Variants in GPC5 observed in about 807,000 individuals in gnomAD.
GPC5 encodes glypican-5.
In GPC5, 47 loss-of-function variants were observed where a neutral mutation model predicts 53.9. The observed-to-expected ratio is 0.87, with a 90% CI of 0.69 to 1.11. The LOEUF is 1.11. Ranked by LOEUF, GPC5 falls within the 50% of genes most tolerant of loss-of-function variation. GPC5 has a pLI of 0.00. For synonymous variants in GPC5, 286 were observed against 263.3 expected (o/e 1.09, Z -0.84); for missense variants, 748 against 713.1 (o/e 1.05, Z -0.56).
rs1305172300 is a variant in GPC5 at position 92,577,688 on chromosome 13, ATTTAT to A, written c.1562-288591_1562-288587del. Among the ~76,000 whole-genome samples, 3 of 152,290 alleles carry A rather than the reference ATTTAT, an allele frequency of 2.0e-5. No individual in the cohort carries two copies. The East Asian group carries it at 5.8e-4, about 29-fold the overall frequency. ...TCCTGAGTTTATAAGTTTTGCTTTCATTTATTTAATTAATATCCTGCAAGTCACAA... is the reference window on the plus strand; with the variant it reads ...TCCTGAGTTTATAAGTTTTGCTTTCATTAATTAATATCCTGCAAGTCACAA... On this transcript the variant is annotated intron_variant, in intron 7 of 7. Coordinates refer to ENST00000377067, the MANE Select transcript of GPC5 (RefSeq NM_004466.6).
At chr13:92,186,109 T>A (rs2042181961) in intron 7 of GPC5, among the ~76,000 whole-genome samples, 1 of 152,114 alleles carries the variant, frequency 6.6e-6, no homozygotes, top group African/African-American at 2.4e-5. Flanking sequence ...AGACCACAGA[T>A]CCTAACAGAG....
chr13:91,545,426 T>G (rs1299215760), intron 2 of GPC5, among the ~76,000 whole-genome samples: 1 of 152,216 alleles, frequency 6.6e-6, no homozygotes, highest in Non-Finnish European at 1.5e-5. Flanking sequence ...AGTTCATATC[T>G]TAAACACATC....
intron 6 of GPC5, among the ~76,000 whole-genome samples, chr13:91,954,119 C>A (rs1177195771): frequency 2.0e-5 from 3 of 152,092 alleles, no homozygotes; most frequent in African/African-American, 7.2e-5. Context: ...TAAAAAGATA[C>A]AATTCCATAA....
rs570399882 is a variant in GPC5, at chr13:92,161,206, A to C, written c.1561+16217A>C. Reference sequence around the variant, plus strand: ...TCGGATTAATCTCTGTGCTTGTTTAAACACAGAGTATAGAGTTCTAGCCAG... The same window carrying C: ...TCGGATTAATCTCTGTGCTTGTTTACACACAGAGTATAGAGTTCTAGCCAG... On this transcript the variant is annotated intron_variant, in intron 7 of 7. Transcript: ENST00000377067. Among the ~76,000 whole-genome samples the C allele has an allele frequency of 4.6e-5, 7 of 152,268 alleles. No homozygotes were observed. The South Asian group carries it at 1.5e-3, about 32-fold the overall frequency.
intron 6 of GPC5, among the ~76,000 whole-genome samples, chr13:91,991,374 A>G (rs1325912122): frequency 6.6e-6 from 1 of 152,224 alleles, no homozygotes; most frequent in Non-Finnish European, 1.5e-5. Context: ...TGTATATTTC[A>G]TAATGCTCAG....
At chr13:92,414,995 G>C (rs765157262) in intron 7 of GPC5, among the ~76,000 whole-genome samples, 1 of 152,112 alleles carries the variant, frequency 6.6e-6, no homozygotes, top group Non-Finnish European at 1.5e-5. Flanking sequence ...TCCCTAAATG[G>C]GGCTAGGATG....
chr13:92,242,617 A>G (rs1225585903), intron 7 of GPC5, among the ~76,000 whole-genome samples: 3 of 152,152 alleles, frequency 2.0e-5, no homozygotes, highest in Non-Finnish European at 4.4e-5. Context: ...AAATAAAGAA[A>G]GAGTCATGAC....
At chr13:91,870,404 G>A (rs2039131811) in intron 5 of GPC5, among the ~76,000 whole-genome samples, 1 of 152,130 alleles carries the variant, frequency 6.6e-6, no homozygotes, top group African/African-American at 2.4e-5. Flanking sequence ...ATATTAGAAT[G>A]TAAGGAAACT....
chr13:91,932,247 G>A (rs1275651522), intron 6 of GPC5, among the ~76,000 whole-genome samples: 4 of 151,968 alleles, frequency 2.6e-5, no homozygotes, highest in Non-Finnish European at 4.4e-5. Context: ...GGGTCTCTCC[G>A]TGACTTCTGA....
intron 3 of GPC5, among the ~76,000 whole-genome samples, chr13:91,708,456 G>GA (rs1191425797): frequency 6.6e-6 from 1 of 152,114 alleles, no homozygotes; most frequent in Non-Finnish European, 1.5e-5. Flanking sequence ...CTGTTTATAT[G>GA]AAATGTCCAG....
chr13:92,072,643 G>T (rs1343814064), intron 6 of GPC5, among the ~76,000 whole-genome samples: 2 of 148,002 alleles, frequency 1.4e-5, no homozygotes, highest in African/African-American at 5.1e-5. Context: ...GCATGATCTC[G>T]GCTCATTTCA....
At position 92,378,942 on chromosome 13, in the gene GPC5, C is replaced by A. The variant is rs80318091; in HGVS notation, c.1561+233953C>A. ...TATAATAGAACTGCCAGTCTCTAAT[C>A]ATATATTGTGTCTGAAGAACATCAG... On this transcript the variant is annotated intron_variant, in intron 7 of 7. Coordinates refer to ENST00000377067, the MANE Select transcript of GPC5 (RefSeq NM_004466.6). 7.1e-3 allele frequency among the ~76,000 whole-genome samples: 1,079 copies of A among 152,252 alleles called. 16 individuals are homozygous for A. The highest frequency in any genetic ancestry group is 0.024 in the African/African-American group (1,012 of 41,532).
At chr13:91,809,768 T>C (rs1010901828) in intron 5 of GPC5, among the ~76,000 whole-genome samples, 2 of 152,060 alleles carry the variant, frequency 1.3e-5, no homozygotes, top group African/African-American at 4.8e-5. Flanking sequence ...ATATACTGAA[T>C]ATACTCTACA....
At chr13:92,385,594 TATAC>T (rs1214802426) in intron 7 of GPC5, among the ~76,000 whole-genome samples, 3 of 143,144 alleles carry the variant, frequency 2.1e-5, no homozygotes, top group African/African-American at 7.6e-5. Context: ...TATACGCATA[TATAC>T]ATATATACAC....
At chr13:92,166,945 C>G (rs2042033152) in intron 7 of GPC5, among the ~76,000 whole-genome samples, 1 of 67,812 alleles carries the variant, frequency 1.5e-5, no homozygotes, top group African/African-American at 4.2e-5. Context: ...CTCTCTCTCT[C>G]TCTCTCTCTC....
At chr13:91,655,300 T>A (rs1290893171) in intron 2 of GPC5, among the ~76,000 whole-genome samples, 2 of 152,140 alleles carry the variant, frequency 1.3e-5, no homozygotes, top group Non-Finnish European at 2.9e-5. Flanking sequence ...TGTGTTTGTG[T>A]GTGTGTACAC....
chr13:92,480,083 T>C (rs1879292274), intron 7 of GPC5, among the ~76,000 whole-genome samples: 1 of 152,066 alleles, frequency 6.6e-6, no homozygotes, highest in African/African-American at 2.4e-5. Flanking sequence ...GGCCAGGAGT[T>C]TGAGACCAGC....
chr13:91,566,344 T>C (rs1396246477), intron 2 of GPC5, among the ~76,000 whole-genome samples: 1 of 152,034 alleles, frequency 6.6e-6, no homozygotes, highest in African/African-American at 2.4e-5. Context: ...AGTGGGCAGA[T>C]CACGAGGTCA....
intron 7 of GPC5, among the ~76,000 whole-genome samples, chr13:92,249,523 G>T (rs1431394704): frequency 2.6e-5 from 4 of 152,000 alleles, no homozygotes; most frequent in African/African-American, 9.7e-5. Flanking sequence ...AACTGGCTAA[G>T]AATTTATTTA....
Sources: gnomAD v4.1 joint callset for allele counts (sites outside exome capture counted in the v4.1 genomes callset) on GRCh38, gnomAD v4.1.1 for gene constraint, MANE v1.5 for transcripts, NCBI Gene and HGNC (gene_info 2026-07-23, HGNC 2026-07-21) for gene names.